The following PGD variants were observed in gnomAD, a reference collection of about 807,000 sequenced individuals.
The protein encoded by PGD is phosphogluconate dehydrogenase, also known as 6-phosphogluconate dehydrogenase, decarboxylating.
In PGD, 21 loss-of-function variants were observed where a neutral mutation model predicts 60.4. That is an observed-to-expected ratio of 0.35 (90% CI 0.25 to 0.50). The LOEUF (loss-of-function observed/expected upper bound fraction) is 0.50. Among genes scored for constraint, PGD ranks in the 20% least tolerant of loss-of-function variants. PGD has a pLI of 0.98. For missense variants in PGD, 477 were observed against 613.1 expected, an observed-to-expected ratio of 0.78 and a Z score of 2.34; for synonymous variants, 230 against 235.9, an observed-to-expected ratio of 0.97 and a Z score of 0.23.
Position 10,413,141 on chromosome 1 carries a change from C to A in PGD, c.734C>A (p.Thr245Asn). 6.2e-7 allele frequency: 1 copy of A among 1,614,078 alleles called. No homozygotes were observed. The highest frequency in any genetic ancestry group is 8.5e-7 in the Non-Finnish European group (1 of 1,179,904). The change falls in exon 8 of 13, where the codon ACC becomes AAC. Residue 245 changes from threonine (T) to asparagine (N), a missense_variant. Coordinates refer to ENST00000270776, the MANE Select transcript of PGD (RefSeq NM_002631.4). ...ITANILKFQD[T>N]DGKHLLPKIR... Reference sequence around the variant, plus strand: ...GCCAATATTCTCAAGTTCCAAGACACCGATGGCAAACACCTGCTGCCAAAG... The same window carrying A: ...GCCAATATTCTCAAGTTCCAAGACAACGATGGCAAACACCTGCTGCCAAAG...
chr1:10,404,032 A>G (rs1291127369), intron 4 of PGD, 129 bp from the exon 5 acceptor site: 1 of 682,354 alleles, frequency 1.5e-6, no homozygotes, highest in Non-Finnish European at 2.5e-6. Flanking sequence ...ATTTCCTGTA[A>G]ATGTAGGCTC....
intron 6 of PGD, among the ~76,000 whole-genome samples, chr1:10,410,644 C>T (rs1195296972): frequency 6.6e-6 from 1 of 152,052 alleles, no homozygotes; most frequent in Non-Finnish European, 1.5e-5. Context: ...TCGTCACTCC[C>T]TTTGTTCCAG....
chr1:10,406,067 A>G (rs1187987522), intron 5 of PGD, among the ~76,000 whole-genome samples: 4 of 152,062 alleles, frequency 2.6e-5, no homozygotes, highest in Non-Finnish European at 5.9e-5. Context: ...GTTAGCCAGG[A>G]TGGTCTTGAT....
At position 10,419,718 on chromosome 1, in the gene PGD, G is replaced by A. The variant is rs749243872; in HGVS notation, c.1421G>A (p.Gly474Asp). Residue 474 changes from glycine (G) to aspartate (D), a missense_variant, in exon 13 of 13, where the codon GGC (glycine) becomes GAC (aspartate). Transcript: ENST00000270776. Reference protein sequence around the residue: ...FIHTNWTGHGGTVSSSSYNA With the variant: ...FIHTNWTGHGDTVSSSSYNA ...CACACCAACTGGACAGGCCATGGTG[G>A]CACCGTGTCATCCTCGTCATACAAT... 8 of 1,614,060 alleles carry A rather than the reference G, an allele frequency of 5.0e-6. No individual in the cohort carries two copies. The highest frequency in any genetic ancestry group is 1.7e-5 in the Admixed American group (1 of 60,002).
At chr1:10,407,489 C>G (rs934804484) in intron 5 of PGD, among the ~76,000 whole-genome samples, 2 of 152,208 alleles carry the variant, frequency 1.3e-5, no homozygotes, top group Non-Finnish European at 2.9e-5. Flanking sequence ...GATGCTTCTG[C>G]TCAGCCTTTC....
chr1:10,399,447 C>G, intron 1 of PGD, 182 bp from the exon 2 acceptor site: 1 of 494,458 alleles, frequency 2.0e-6, no homozygotes. Flanking sequence ...GAGGGCGGGG[C>G]TGGGGGCCGC....
intron 8 of PGD, 119 bp downstream of exon 8, chr1:10,413,370 C>G: frequency 1.2e-6 from 1 of 839,694 alleles, no homozygotes; most frequent in South Asian, 1.8e-5. Flanking sequence ...TTCAGAGTGC[C>G]TTTTGCTCTT....
chr1:10,417,177 G>A lies in PGD; in HGVS notation c.975+60G>A, dbSNP rs2298569. On this transcript the variant is annotated intron_variant, in intron 9 of 12. Coordinates refer to ENST00000270776, the MANE Select transcript of PGD (RefSeq NM_002631.4). ...TCCTGCGGAAGGCAGTGGGGGTGGG[G>A]GTTGTGGTGGGAGAACACTCGAGGC... 809 of 1,591,660 alleles carry A rather than the reference G, an allele frequency of 5.1e-4. 6 individuals carry two copies. The East Asian group carries it at 0.018, about 35-fold the overall frequency.
chr1:10,407,011 G>A (rs1216547125), intron 5 of PGD, among the ~76,000 whole-genome samples: 1 of 152,230 alleles, frequency 6.6e-6, no homozygotes, highest in Non-Finnish European at 1.5e-5. Context: ...GTCTGCTGCT[G>A]CTGCAGTAGA....
At chr1:10,412,864 G>C (rs1388134217) in intron 7 of PGD, 198 bp from the exon 8 acceptor site, 1 of 538,090 alleles carries the variant, frequency 1.9e-6, no homozygotes, top group African/African-American at 1.9e-5. Flanking sequence ...CAGAAATTCA[G>C]TATAACCAGG....
At chr1:10,402,612 T>G (rs890820932) in intron 3 of PGD, among the ~76,000 whole-genome samples, 2 of 151,392 alleles carry the variant, frequency 1.3e-5, no homozygotes, top group Non-Finnish European at 2.9e-5. Flanking sequence ...AAGCTCCACC[T>G]CCCGGGTTCA....
Position 10,408,127 on chromosome 1 carries a change from C to T in PGD, c.506C>T (p.Pro169Leu). ...GIAAKVGTGE[P>L]CCDWVGDEGA... ...GCTGCAAAAGTGGGAACTGGAGAAC[C>T]CTGCTGTGACTGGGCAAGTTCTGGG... is the stretch of plus-strand genomic sequence containing the variant. Residue 169 changes from proline to leucine, a missense_variant, in exon 6 of 13, where the codon CCC (proline) becomes CTC (leucine). Physicochemically the swap from Pro to Leu is moderately conservative, Grantham distance 98 (BLOSUM62 -3). Transcript: ENST00000270776. 2 of 1,592,718 alleles carry T rather than the reference C, an allele frequency of 1.3e-6. No individual in the cohort carries two copies. Among genetic ancestry groups the T allele is most frequent in the Non-Finnish European group, 1.7e-6 (2 of 1,160,364 alleles).
At chr1:10,406,010 C>T (rs977946092) in intron 5 of PGD, among the ~76,000 whole-genome samples, 27 of 152,076 alleles carry the variant, frequency 1.8e-4, no homozygotes, top group African/African-American at 5.3e-4. Flanking sequence ...CCCACGACCA[C>T]GCCCAGCTAA....
At chr1:10,405,397 A>T (rs77178309) in intron 5 of PGD, among the ~76,000 whole-genome samples, 2 of 65,942 alleles carry the variant, frequency 3.0e-5, no homozygotes, top group African/African-American at 6.6e-5. Context: ...AAACAAACAA[A>T]AAATACACAC....
intron 4 of PGD, among the ~76,000 whole-genome samples, chr1:10,403,515 T>C (rs3762288): frequency 0.5 from 73,682 of 148,166 alleles, 18,278 homozygotes; most frequent in African/African-American, 0.55. Context: ...TGTTTGAACC[T>C]GGGAGGCAGA....
At chr1:10,404,743 G>A (rs1204125969) in intron 5 of PGD, among the ~76,000 whole-genome samples, 3 of 152,102 alleles carry the variant, frequency 2.0e-5, no homozygotes, top group African/African-American at 7.2e-5. Context: ...TAGGCGATCT[G>A]CCCGCCTTGG....
intron 12 of PGD, 28 bp downstream of exon 12, chr1:10,419,567 G>A (rs763930610): frequency 1.9e-6 from 3 of 1,613,930 alleles, no homozygotes; most frequent in Non-Finnish European, 2.5e-6. Flanking sequence ...GGATTAACCT[G>A]GCTGGCCCCT....
chr1:10,409,604 A>G (rs116176774), intron 6 of PGD, among the ~76,000 whole-genome samples: 3,945 of 151,310 alleles, frequency 0.026, 201 homozygotes, highest in African/African-American at 0.09. Context: ...TCTCTTAAAC[A>G]GAAAAAAACA....
In PGD at chr1:10,413,085, A is replaced by G; in HGVS notation, c.678A>G (p.Thr226=). ...AGGCCTTTGAGGATTGGAATAAGAC[A>G]GAGCTAGACTCATTCCTGATTGAAA... ...MAQAFEDWNK[T]ELDSFLIEIT... The change falls in exon 8 of 13, where the codon ACA becomes ACG. Residue 226 remains threonine (T), a synonymous_variant. Transcript: ENST00000270776. The G allele has an allele frequency of 1.9e-6, 3 of 1,613,972 alleles. No homozygotes were observed. Among genetic ancestry groups the G allele is most frequent in the African/African-American group, 2.7e-5 (2 of 75,056 alleles).
Sources: gnomAD v4.1 joint callset for allele counts (sites outside exome capture counted in the v4.1 genomes callset) on GRCh38, gnomAD v4.1.1 for gene constraint, MANE v1.5 for transcripts, NCBI Gene and HGNC (gene_info 2026-07-23, HGNC 2026-07-21) for gene names.